The following PARD3 variants were observed in gnomAD, a reference collection of about 807,000 sequenced individuals.
PARD3 encodes the protein par-3 family cell polarity regulator.
PARD3 carries 75 observed loss-of-function variants against 155.4 expected under a neutral mutation model. The observed-to-expected ratio is 0.48, with a 90% CI of 0.40 to 0.58. PARD3 has a LOEUF of 0.58. PARD3 is among the 20% of genes least tolerant of loss of function. The probability of loss-of-function intolerance (pLI) is 0.00; values close to 1 mark genes in which losing one functional copy is unlikely to be tolerated. For missense variants in PARD3, 1,642 were observed against 1,721.7 expected (o/e 0.95, Z 0.82); for synonymous variants, 576 against 610.5 (o/e 0.94, Z 0.83).
chr10:34,707,556 G>A (rs1262532069), intron 1 of PARD3, among the ~76,000 whole-genome samples: 2 of 152,190 alleles, frequency 1.3e-5, no homozygotes, highest in East Asian at 3.9e-4. Context: ...GGGGCGAGAA[G>A]AGATCAGAGA....
intron 5 of PARD3, among the ~76,000 whole-genome samples, chr10:34,429,471 C>T (rs1024457501): frequency 2.0e-5 from 3 of 151,564 alleles, no homozygotes; most frequent in Non-Finnish European, 4.4e-5. Context: ...TAATAGGTTA[C>T]TACAGCCTCC....
At chr10:34,556,859 T>C (rs1344629449) in intron 2 of PARD3, among the ~76,000 whole-genome samples, 2 of 152,138 alleles carry the variant, frequency 1.3e-5, no homozygotes, top group African/African-American at 2.4e-5. Flanking sequence ...CCTCATTATG[T>C]ATAAAGGGAT....
In PARD3 at chr10:34,278,018, A is replaced by T. The variant is rs146215491; in HGVS notation, c.3176+6117T>A. Among the ~76,000 whole-genome samples, 659 of 152,232 alleles carry T rather than the reference A, an allele frequency of 4.3e-3. 4 individuals are homozygous for T. The highest frequency in any genetic ancestry group is 0.015 in the African/African-American group (626 of 41,518). ...TCGTTCCCCTTCCCAAAGCTCTGTAATCATCTATTTTAACAATTGATTATA... is the reference window on the plus strand; with the variant it reads ...TCGTTCCCCTTCCCAAAGCTCTGTATTCATCTATTTTAACAATTGATTATA... On this transcript the variant is annotated intron_variant, in intron 21 of 24. Coordinates refer to ENST00000374788, the MANE Select transcript of PARD3 (RefSeq NM_001184785.2).
rs144529078 is a variant in PARD3, at chr10:34,427,330, G to A, written c.714+22987C>T. Among the ~76,000 whole-genome samples the A allele has an allele frequency of 7.3e-3, 1,108 of 152,266 alleles. 12 individuals are homozygous for A. Among genetic ancestry groups the A allele is most frequent in the African/African-American group, 0.024 (1,002 of 41,554 alleles). The stretch of plus-strand genomic sequence containing the variant: ...CTGAGAAAAGAATGCATTCCCAGGC[G>A]GGGCCTCTCAAATGGCCACCCTGGG... On this transcript the variant is annotated intron_variant, in intron 5 of 24. Coordinates refer to ENST00000374788, the MANE Select transcript of PARD3 (RefSeq NM_001184785.2).
intron 22 of PARD3, among the ~76,000 whole-genome samples, chr10:34,239,091 T>C (rs1953418459): frequency 6.6e-6 from 1 of 152,234 alleles, no homozygotes; most frequent in Non-Finnish European, 1.5e-5. Context: ...CATTTCGGAA[T>C]TTGTTTGCTT....
chr10:34,765,108 CA>C (rs1416936491), intron 1 of PARD3, among the ~76,000 whole-genome samples: 1 of 152,176 alleles, frequency 6.6e-6, no homozygotes, highest in Non-Finnish European at 1.5e-5. Context: ...GAGAAAGACA[CA>C]CCTGCCCCTT....
chr10:34,204,699 A>C (rs988946782), intron 22 of PARD3, among the ~76,000 whole-genome samples: 6 of 144,112 alleles, frequency 4.2e-5, no homozygotes, highest in African/African-American at 7.3e-5. Context: ...CTTACGTTAC[A>C]TTCCCCCCTA....
intron 1 of PARD3, among the ~76,000 whole-genome samples, chr10:34,760,331 T>C (rs1388472169): frequency 6.6e-6 from 1 of 152,160 alleles, no homozygotes; most frequent in Admixed American, 6.5e-5. Flanking sequence ...CCCAATCTAC[T>C]ACTTTTTTTG....
In PARD3 at chr10:34,289,633, C is replaced by G. The variant is rs553049810; in HGVS notation, c.3066-5388G>C. 2.6e-5 allele frequency among the ~76,000 whole-genome samples: 4 copies of G among 152,276 alleles called. No homozygotes were observed. In the South Asian group the frequency reaches 8.3e-4, roughly 32 times the overall value. Reference sequence around the variant, plus strand: ...AAGGTACACTTTTAAAAATGCCACACTCCACCAGAAACTCCTTCACAGAAA... The same window carrying G: ...AAGGTACACTTTTAAAAATGCCACAGTCCACCAGAAACTCCTTCACAGAAA... On this transcript the variant is annotated intron_variant, in intron 20 of 24. Transcript: ENST00000374788.
chr10:34,371,531 A>C (rs1294498629), intron 12 of PARD3, among the ~76,000 whole-genome samples: 3 of 66,472 alleles, frequency 4.5e-5, no homozygotes, highest in East Asian at 3.1e-4. Context: ...AAAAAAAAAA[A>C]ACAACGAAGG....
At chr10:34,694,040 G>C (rs947507633) in intron 2 of PARD3, among the ~76,000 whole-genome samples, 5 of 151,950 alleles carry the variant, frequency 3.3e-5, no homozygotes, top group African/African-American at 1.2e-4. Flanking sequence ...AGGATGTCAG[G>C]TGATTAATTC....
At chr10:34,372,130 T>C (rs912555769) in intron 12 of PARD3, among the ~76,000 whole-genome samples, 1 of 152,136 alleles carries the variant, frequency 6.6e-6, no homozygotes, top group Non-Finnish European at 1.5e-5. Flanking sequence ...TTTTTTTCCA[T>C]GATTGAATCA....
intron 2 of PARD3, among the ~76,000 whole-genome samples, chr10:34,689,934 G>T (rs9418110): frequency 0.47 from 42,037 of 89,074 alleles, 7,098 homozygotes; most frequent in Non-Finnish European, 0.52. Context: ...ATTTTTACAT[G>T]TTATTTATTT....
rs577845610 is a variant in PARD3, at chr10:34,686,642, G to A, written c.222+9676C>T. ...TGTAATTTCAGCTACTCAGGAGGCT[G>A]AGGCAGGAGAATTATCTGAACCTGG... is the stretch of plus-strand genomic sequence containing the variant. On this transcript the variant is annotated intron_variant, in intron 2 of 24. Coordinates refer to ENST00000374788, the MANE Select transcript of PARD3 (RefSeq NM_001184785.2). Among the ~76,000 whole-genome samples, 27 of 152,192 alleles carry A rather than the reference G, an allele frequency of 1.8e-4. 1 individual carries two copies. Among genetic ancestry groups the A allele is most frequent in the African/African-American group, 5.8e-4 (24 of 41,536 alleles).
At chr10:34,510,412 G>A (rs181033360) in intron 3 of PARD3, among the ~76,000 whole-genome samples, 2 of 152,070 alleles carry the variant, frequency 1.3e-5, no homozygotes, top group African/African-American at 2.4e-5. Context: ...CATTTGGATG[G>A]TCTTCACTTA....
chr10:34,297,755 G>A (rs1956973792), intron 20 of PARD3, among the ~76,000 whole-genome samples: 1 of 152,176 alleles, frequency 6.6e-6, no homozygotes, highest in Non-Finnish European at 1.5e-5. Context: ...GAGGCCCGAG[G>A]CCACCTGGCT....
At chr10:34,718,149 C>CAAAAAAAAAAAAAAAAAAAAAA (rs71033340) in intron 1 of PARD3, among the ~76,000 whole-genome samples, 1 of 82,758 alleles carries the variant, frequency 1.2e-5, no homozygotes, top group African/African-American at 4.3e-5. Flanking sequence ...GACTCCATCT[C>CAAAAAAAAAAAAAAAAAAAAAA]AAAAAAAAAA....
At chr10:34,271,943 C>A (rs948821976) in intron 21 of PARD3, among the ~76,000 whole-genome samples, 1 of 152,150 alleles carries the variant, frequency 6.6e-6, no homozygotes, top group African/African-American at 2.4e-5. Flanking sequence ...TATTTATAAT[C>A]CCTAACGAAA....
intron 2 of PARD3, among the ~76,000 whole-genome samples, chr10:34,657,700 G>A (rs529145492): frequency 3.3e-4 from 50 of 152,068 alleles, no homozygotes; most frequent in African/African-American, 1.2e-3. Context: ...CACCACGCCT[G>A]GCTAATTTTT....
Sources: gnomAD v4.1 joint callset for allele counts (sites outside exome capture counted in the v4.1 genomes callset) on GRCh38, gnomAD v4.1.1 for gene constraint, MANE v1.5 for transcripts, NCBI Gene and HGNC (gene_info 2026-07-23, HGNC 2026-07-21) for gene names.